SUPT3H: variants seen among roughly 807,000 people sequenced by gnomAD.
SUPT3H encodes SPT3 homolog, SAGA and STAGA complex component.
In SUPT3H, 44 loss-of-function variants were observed where a neutral mutation model predicts 44.3. That is an observed-to-expected ratio of 0.99 (90% confidence interval 0.78 to 1.28). SUPT3H has a LOEUF of 1.28. SUPT3H is among the 50% of genes most tolerant of loss of function. SUPT3H has a pLI of 0.00. For missense variants in SUPT3H, 380 were observed against 387.1 expected, an observed-to-expected ratio of 0.98 and a Z score of 0.15; for synonymous variants, 124 against 125.6, an observed-to-expected ratio of 0.99 and a Z score of 0.09.
intron 2 of SUPT3H, among the ~76,000 whole-genome samples, chr6:45,275,600 A>G (rs921864340): frequency 1.3e-5 from 2 of 152,160 alleles, no homozygotes; most frequent in African/African-American, 4.8e-5. Context: ...CTGGAACAGG[A>G]AAATTCCACT....
At chr6:45,008,231 T>C (rs1420660949) in intron 5 of SUPT3H, among the ~76,000 whole-genome samples, 1 of 152,224 alleles carries the variant, frequency 6.6e-6, no homozygotes, top group Non-Finnish European at 1.5e-5. Context: ...TTGGTAAATC[T>C]ATGTTTACCC....
intron 2 of SUPT3H, among the ~76,000 whole-genome samples, chr6:45,154,072 G>GAAAAAAAAAAA (rs796547480): frequency 1.1e-4 from 2 of 17,960 alleles, no homozygotes; most frequent in Non-Finnish European, 6.9e-4. Flanking sequence ...TCTGTCTCAA[G>GAAAAAAAAAAA]AAAAAAAAAA....
At chr6:45,205,289 TCAGACATA>T (rs1763050478) in intron 2 of SUPT3H, among the ~76,000 whole-genome samples, 1 of 152,186 alleles carries the variant, frequency 6.6e-6, no homozygotes, top group African/African-American at 2.4e-5. Context: ...CTGAAGACCA[TCAGACATA>T]ACATAGAAGG....
At chr6:45,007,185 T>C (rs548320724) in intron 5 of SUPT3H, among the ~76,000 whole-genome samples, 2 of 152,228 alleles carry the variant, frequency 1.3e-5, no homozygotes, top group African/African-American at 4.8e-5. Flanking sequence ...CATTTAATAA[T>C]TCCTTTTTTG....
chr6:45,301,469 G>T (rs1188285553), intron 2 of SUPT3H, among the ~76,000 whole-genome samples: 1 of 151,312 alleles, frequency 6.6e-6, no homozygotes, highest in African/African-American at 2.4e-5. Context: ...TTATTGTTTT[G>T]GGTCTTTTTG....
intron 2 of SUPT3H, among the ~76,000 whole-genome samples, chr6:45,128,527 AAAAAAAAT>A (rs1802825358): frequency 3.2e-5 from 2 of 63,214 alleles, no homozygotes; most frequent in African/African-American, 1.3e-4. Context: ...AAAAAAAAAA[AAAAAAAAT>A]ATATATATAT....
At chr6:44,937,141 C>T (rs1323842457) in intron 9 of SUPT3H, among the ~76,000 whole-genome samples, 1 of 152,052 alleles carries the variant, frequency 6.6e-6, no homozygotes, top group Non-Finnish European at 1.5e-5. Context: ...TTTCCTTTGA[C>T]TAGATACCCA....
chr6:45,036,585 TATA>T (rs1787708676), intron 3 of SUPT3H, among the ~76,000 whole-genome samples: 1 of 152,180 alleles, frequency 6.6e-6, no homozygotes, highest in African/African-American at 2.4e-5. Flanking sequence ...CTGTTTAAGT[TATA>T]ATAATTCTAA....
chr6:45,239,153 T>C (rs1769800899), intron 2 of SUPT3H, among the ~76,000 whole-genome samples: 1 of 152,212 alleles, frequency 6.6e-6, no homozygotes, highest in African/African-American at 2.4e-5. Context: ...TCATATATGG[T>C]TTATTCTACA....
At chr6:45,288,244 C>T (rs762722084) in intron 2 of SUPT3H, among the ~76,000 whole-genome samples, 1 of 151,908 alleles carries the variant, frequency 6.6e-6, no homozygotes, top group Non-Finnish European at 1.5e-5. Context: ...TAACTGACAA[C>T]TAAAAAGGGC....
intron 2 of SUPT3H, among the ~76,000 whole-genome samples, chr6:45,325,839 T>C (rs1415163604): frequency 6.6e-6 from 1 of 151,842 alleles, no homozygotes; most frequent in African/African-American, 2.4e-5. Flanking sequence ...TTGTCATTGT[T>C]TTTTAAATTT....
chr6:44,839,316 A>AT (rs1770498482), intron 10 of SUPT3H, among the ~76,000 whole-genome samples: 1 of 120,416 alleles, frequency 8.3e-6, no homozygotes, highest in Admixed American at 8.0e-5. Flanking sequence ...TTTCACTATT[A>AT]TTATTATTTT....
At chr6:45,358,947 G>A (rs930103716) in intron 2 of SUPT3H, among the ~76,000 whole-genome samples, 1 of 152,042 alleles carries the variant, frequency 6.6e-6, no homozygotes, top group East Asian at 1.9e-4. Context: ...GCAATTTTAG[G>A]CTGATGGGTC....
At chr6:44,958,913 C>G (rs1163495099) in intron 7 of SUPT3H, among the ~76,000 whole-genome samples, 1 of 110,842 alleles carries the variant, frequency 9.0e-6, no homozygotes, top group Admixed American at 1.3e-4. Context: ...CTCACCCTGT[C>G]CCCCAGGCTG....
chr6:45,308,694 A>G (rs1036071302), intron 2 of SUPT3H, among the ~76,000 whole-genome samples: 3 of 151,964 alleles, frequency 2.0e-5, no homozygotes, highest in African/African-American at 7.3e-5. Flanking sequence ...AAACATATGT[A>G]AGAAACCTGC....
At chr6:44,928,901 A>T (rs1281982724) in intron 10 of SUPT3H, among the ~76,000 whole-genome samples, 3 of 84,164 alleles carry the variant, frequency 3.6e-5, no homozygotes, top group African/African-American at 1.7e-4. Flanking sequence ...AAAAAAAAAA[A>T]AAAGAAAAGA....
chr6:45,134,864 T>A (rs1373220036), intron 2 of SUPT3H, among the ~76,000 whole-genome samples: 1 of 152,186 alleles, frequency 6.6e-6, no homozygotes, highest in African/African-American at 2.4e-5. Flanking sequence ...CTTGTTCCCA[T>A]GGCTCCACTA....
chr6:45,050,278 A>AGTGTGTGTGTGTGTGTGTGT lies in SUPT3H; in HGVS notation c.187-29666_187-29647dup, dbSNP rs57510967. Among the ~76,000 whole-genome samples the AGTGTGTGTGTGTGTGTGTGT allele has an allele frequency of 2.2e-3, 321 of 147,414 alleles. 3 individuals carry two copies. Among genetic ancestry groups the AGTGTGTGTGTGTGTGTGTGT allele is most frequent in the Middle Eastern group, 0.014 (4 of 288 alleles). On this transcript the variant is annotated intron_variant, in intron 3 of 10. Coordinates refer to ENST00000371459, the MANE Select transcript of SUPT3H (RefSeq NM_003599.4). ...GTTTAGCAAACACTGCTTTTTCTGC[A>AGTGTGTGTGTGTGTGTGTGT]GTGTGTGTGTGTGTGTGTGTGTGTG...
In SUPT3H at chr6:44,899,515, G is replaced by A. The variant is rs998982706; in HGVS notation, c.912+33138C>T. On this transcript the variant is annotated intron_variant, in intron 10 of 10. Transcript: ENST00000371459. Reference sequence around the variant, plus strand: ...AGCCTGGCCAACATGGTGAAACCCCGTTTCTAATAAAAATACAAAAAATTA... The same window carrying A: ...AGCCTGGCCAACATGGTGAAACCCCATTTCTAATAAAAATACAAAAAATTA... Among the ~76,000 whole-genome samples, 4 of 151,928 alleles carry A rather than the reference G, an allele frequency of 2.6e-5. No homozygotes were observed. The East Asian group carries it at 5.8e-4, about 22-fold the overall frequency.
Sources: gnomAD v4.1 joint callset for allele counts (sites outside exome capture counted in the v4.1 genomes callset) on GRCh38, gnomAD v4.1.1 for gene constraint, MANE v1.5 for transcripts, NCBI Gene and HGNC (gene_info 2026-07-23, HGNC 2026-07-21) for gene names.